Variants in PDE3A observed in about 807,000 individuals in gnomAD.
The protein encoded by PDE3A is phosphodiesterase 3A, also known as cGMP-inhibited 3',5'-cyclic phosphodiesterase 3A.
PDE3A carries 43 observed loss-of-function variants against 98.3 expected under a neutral mutation model. The observed-to-expected ratio is 0.44, with a 90% CI of 0.34 to 0.56. The LOEUF (loss-of-function observed/expected upper bound fraction) is 0.56. Among genes scored for constraint, PDE3A ranks in the 20% least tolerant of loss-of-function variants. The pLI is 0.01. For synonymous variants in PDE3A, 663 were observed against 567.9 expected, an observed-to-expected ratio of 1.17 and a Z score of -2.38; for missense variants, 1,427 against 1,440.7, an observed-to-expected ratio of 0.99 and a Z score of 0.15.
chr12:20,437,485 T>G (rs1379565218), intron 1 of PDE3A, among the ~76,000 whole-genome samples: 1 of 152,196 alleles, frequency 6.6e-6, no homozygotes, highest in Non-Finnish European at 1.5e-5. Flanking sequence ...TTCTGCAGAC[T>G]GGGCAAGCAT....
At chr12:20,616,464 A>G in intron 4 of PDE3A, 80 bp downstream of exon 4, 1 of 1,354,596 alleles carries the variant, frequency 7.4e-7, no homozygotes, top group Non-Finnish European at 1.0e-6. Context: ...CAGGAGAAGG[A>G]AGGCTAACCA....
At chr12:20,400,702 G>A (rs1415087013) in intron 1 of PDE3A, among the ~76,000 whole-genome samples, 1 of 152,164 alleles carries the variant, frequency 6.6e-6, no homozygotes, top group African/African-American at 2.4e-5. Context: ...ATAGGCGTGA[G>A]CCACTGCGCC....
chr12:20,627,125 G>A (rs1319472420), intron 5 of PDE3A, among the ~76,000 whole-genome samples: 4 of 137,310 alleles, frequency 2.9e-5, no homozygotes, highest in African/African-American at 5.4e-5. Context: ...GTTCTCATGG[G>A]CTTTGAACTA....
intron 1 of PDE3A, among the ~76,000 whole-genome samples, chr12:20,553,971 T>G (rs559665391): frequency 3.4e-4 from 52 of 152,226 alleles, no homozygotes; most frequent in Middle Eastern, 6.8e-3. Context: ...AAGTGAGAAC[T>G]TACAAGAGGG....
intron 10 of PDE3A, among the ~76,000 whole-genome samples, chr12:20,642,274 T>G (rs958191238): frequency 1.3e-5 from 2 of 152,138 alleles, no homozygotes; most frequent in Non-Finnish European, 2.9e-5. Context: ...AAATTTGTAA[T>G]TAGAATCCTT....
At chr12:20,617,631 TTA>T (rs1944037123) in intron 4 of PDE3A, among the ~76,000 whole-genome samples, 1 of 152,130 alleles carries the variant, frequency 6.6e-6, no homozygotes, top group Admixed American at 6.5e-5. Flanking sequence ...ATAAAATGAA[TTA>T]TGTTTTCAGC....
intron 2 of PDE3A, among the ~76,000 whole-genome samples, chr12:20,575,286 T>G (rs559681401): frequency 1.3e-5 from 2 of 152,180 alleles, no homozygotes; most frequent in South Asian, 4.1e-4. Context: ...GTTACTTAAG[T>G]AAATTTCAGC....
At chr12:20,414,302 A>G (rs1426195650) in intron 1 of PDE3A, among the ~76,000 whole-genome samples, 1 of 152,208 alleles carries the variant, frequency 6.6e-6, no homozygotes, top group Non-Finnish European at 1.5e-5. Context: ...ACTTAACAAG[A>G]GAGTAGAGGT....
intron 1 of PDE3A, among the ~76,000 whole-genome samples, chr12:20,473,249 A>G (rs1445445600): frequency 6.6e-6 from 1 of 152,210 alleles, no homozygotes; most frequent in Non-Finnish European, 1.5e-5. Flanking sequence ...TGAAAGAGAC[A>G]TGTATCTCCC....
chr12:20,587,985 G>C (rs1030108738), intron 2 of PDE3A, among the ~76,000 whole-genome samples: 1 of 152,188 alleles, frequency 6.6e-6, no homozygotes, highest in Non-Finnish European at 1.5e-5. Flanking sequence ...TGCTAAAGCT[G>C]TTTCTTAAAA....
At chr12:20,522,754 C>A (rs141071491) in intron 1 of PDE3A, among the ~76,000 whole-genome samples, 77 of 152,078 alleles carry the variant, frequency 5.1e-4, no homozygotes, top group Non-Finnish European at 8.5e-4. Context: ...GTTGATGGTA[C>A]CTACTGATCT....
chr12:20,384,951 T>C (rs988359418), intron 1 of PDE3A, among the ~76,000 whole-genome samples: 9 of 152,138 alleles, frequency 5.9e-5, no homozygotes, highest in African/African-American at 1.9e-4. Context: ...TTTGAGTTGA[T>C]TCCATGTCTT....
At position 20,462,638 on chromosome 12, in the gene PDE3A, A is replaced by AT. The variant is rs371449455; in HGVS notation, c.960+92400dup. On this transcript the variant is annotated intron_variant, in intron 1 of 15. Transcript: ENST00000359062. The stretch of plus-strand genomic sequence containing the variant: ...TTGCTCTATTTTAAATTTTAGTTTG[A>AT]TTTTTTGGATTTTAAAAAATGTTAT... Among the ~76,000 whole-genome samples, 51 of 152,128 alleles carry AT rather than the reference A, an allele frequency of 3.4e-4. 1 individual carries two copies. The highest frequency in any genetic ancestry group is 1.2e-3 in the African/African-American group (50 of 41,522).
Position 20,368,959 on chromosome 12 carries a change from G to A in PDE3A, c.-326G>A, listed in dbSNP as rs1028552085. Among the ~76,000 whole-genome samples the A allele has an allele frequency of 6.6e-6, 1 of 152,104 alleles. No individual in the cohort carries two copies. The highest frequency in any genetic ancestry group is 1.5e-5 in the Non-Finnish European group (1 of 68,010). The stretch of plus-strand genomic sequence containing the variant: ...AGACCCCGGAGGATATAAGTCGGGG[G>A]TGGGGGTGGAGCAGAGAATCTGTGA... On this transcript the variant is annotated 5_prime_UTR_variant, in exon 1 of 16. In the 5' UTR this introduces an upstream ATG that the reference lacks. Coordinates refer to ENST00000359062, the MANE Select transcript of PDE3A (RefSeq NM_000921.5).
chr12:20,393,199 G>C (rs1035942357), intron 1 of PDE3A, among the ~76,000 whole-genome samples: 2 of 151,966 alleles, frequency 1.3e-5, no homozygotes, highest in Non-Finnish European at 1.5e-5. Context: ...ATTTACAAAA[G>C]AAAGAGGTTT....
intron 4 of PDE3A, among the ~76,000 whole-genome samples, chr12:20,618,165 C>T (rs1944050088): frequency 6.6e-6 from 1 of 152,052 alleles, no homozygotes; most frequent in Admixed American, 6.6e-5. Flanking sequence ...CAATATAATT[C>T]CTTCATCATT....
At chr12:20,550,367 G>A (rs1345888693) in intron 1 of PDE3A, among the ~76,000 whole-genome samples, 3 of 152,072 alleles carry the variant, frequency 2.0e-5, no homozygotes, top group African/African-American at 7.2e-5. Context: ...CAAAAATAAT[G>A]AGCTCATCTT....
At chr12:20,592,825 G>T (rs539982492) in intron 2 of PDE3A, among the ~76,000 whole-genome samples, 107 of 152,216 alleles carry the variant, frequency 7.0e-4, no homozygotes, top group African/African-American at 2.5e-3. Flanking sequence ...CAAGGGGTGG[G>T]GGAGTCACAC....
chr12:20,651,179 A>G (rs548669081), intron 14 of PDE3A, among the ~76,000 whole-genome samples: 1 of 152,172 alleles, frequency 6.6e-6, no homozygotes, highest in Non-Finnish European at 1.5e-5. Context: ...TGACATGATA[A>G]CTAAGAGTTA....
Sources: gnomAD v4.1 joint callset for allele counts (sites outside exome capture counted in the v4.1 genomes callset) on GRCh38, gnomAD v4.1.1 for gene constraint, MANE v1.5 for transcripts, NCBI Gene and HGNC (gene_info 2026-07-23, HGNC 2026-07-21) for gene names.